The following GRIK2 variants were observed in gnomAD, a reference collection of about 807,000 sequenced individuals.
GRIK2 encodes the protein glutamate ionotropic receptor kainate type subunit 2.
Under a neutral mutation model 100.3 loss-of-function variants are expected in GRIK2, and 32 were observed. The observed-to-expected ratio is 0.32, with a 90% CI of 0.24 to 0.43. The LOEUF (loss-of-function observed/expected upper bound fraction) is 0.43, where lower values mean the gene tolerates loss of function less well. Among genes scored for constraint, GRIK2 ranks in the 20% least tolerant of loss-of-function variants. The pLI, the probability that GRIK2 is intolerant of heterozygous loss-of-function variation, is 1.00. For synonymous variants in GRIK2, 417 were observed against 389.4 expected, an observed-to-expected ratio of 1.07 and a Z score of -0.83; for missense variants, 843 against 1,114.9, an observed-to-expected ratio of 0.76 and a Z score of 3.47.
intron 2 of GRIK2, among the ~76,000 whole-genome samples, chr6:101,575,181 C>T (rs1777737708): frequency 6.6e-6 from 1 of 151,686 alleles, no homozygotes; most frequent in African/African-American, 2.4e-5. Context: ...CCCCAACTCT[C>T]AAAAAATTAA....
chr6:101,747,024 A>G lies in GRIK2; in HGVS notation c.952-52624A>G, dbSNP rs374509943. On this transcript the variant is annotated intron_variant, in intron 7 of 16. Coordinates refer to ENST00000369134, the MANE Select transcript of GRIK2 (RefSeq NM_021956.5). ...TTATTTTCCCATAAATTTTATGTTT[A>G]AATCTTCTGAATTAGATCAGCAGTT... 1.2e-4 allele frequency among the ~76,000 whole-genome samples: 18 copies of G among 152,310 alleles called. No homozygotes were observed. In the South Asian group the frequency reaches 3.7e-3, roughly 32 times the overall value.
At chr6:101,692,154 CTTTGCTGCTA>C (rs1432764504) in intron 7 of GRIK2, among the ~76,000 whole-genome samples, 1 of 151,638 alleles carries the variant, frequency 6.6e-6, no homozygotes, top group Non-Finnish European at 1.5e-5. Context: ...GCAAGCCCAC[CTTTGCTGCTA>C]TTTGCTTGTC....
At chr6:101,990,220 A>C (rs923182132) in intron 14 of GRIK2, among the ~76,000 whole-genome samples, 3 of 151,670 alleles carry the variant, frequency 2.0e-5, no homozygotes, top group African/African-American at 7.2e-5. Flanking sequence ...TGTGTTAGCC[A>C]CTTTACAGGC....
intron 10 of GRIK2, among the ~76,000 whole-genome samples, chr6:101,841,000 T>C (rs1289812348): frequency 6.6e-6 from 1 of 151,752 alleles, no homozygotes; most frequent in African/African-American, 2.4e-5. Flanking sequence ...AAAATATTTA[T>C]TTTCATGTAT....
rs1395051783 is a variant in GRIK2, at chr6:102,069,980, C to T, written c.*1469C>T. 3 of 151,912 alleles carry T rather than the reference C, an allele frequency of 2.0e-5. No homozygotes were observed. The highest frequency in any genetic ancestry group is 7.3e-5 in the African/African-American group (3 of 41,378). 9.4% of individuals were successfully genotyped at this position (151,912 alleles called of 1,614,324 possible). On this transcript the variant is annotated 3_prime_UTR_variant, in exon 17 of 17. Transcript: ENST00000369134. ...GTGTAAAATGGTAAAAGACACAGAC[C>T]TCTTGACAACATTGTGATAACAGTT... is the stretch of plus-strand genomic sequence containing the variant.
intron 7 of GRIK2, among the ~76,000 whole-genome samples, chr6:101,798,059 T>TA (rs1362230585): frequency 6.7e-6 from 1 of 149,536 alleles, no homozygotes; most frequent in Non-Finnish European, 1.5e-5. Context: ...TTTTTTTTTC[T>TA]AAAAACAAAA....
intron 14 of GRIK2, among the ~76,000 whole-genome samples, chr6:102,019,221 T>A (rs1430186669): frequency 1.3e-5 from 2 of 152,060 alleles, no homozygotes; most frequent in Non-Finnish European, 2.9e-5. Context: ...AACATCTGGT[T>A]TGATACCTTC....
intron 14 of GRIK2, among the ~76,000 whole-genome samples, chr6:102,005,463 G>C (rs1378335826): frequency 1.3e-5 from 2 of 151,978 alleles, no homozygotes; most frequent in East Asian, 1.9e-4. Flanking sequence ...GCCTAAGTGT[G>C]ATTCTTGGCC....
At chr6:101,480,827 A>C (rs963672802) in intron 2 of GRIK2, among the ~76,000 whole-genome samples, 11 of 152,214 alleles carry the variant, frequency 7.2e-5, no homozygotes, top group African/African-American at 2.4e-4. Flanking sequence ...CCATTAAAAA[A>C]GGCAGATCTG....
Position 101,722,765 on chromosome 6 carries a change from C to T in GRIK2, c.951+36412C>T, listed in dbSNP as rs113947316. Among the ~76,000 whole-genome samples, 345 of 152,080 alleles carry T rather than the reference C, an allele frequency of 2.3e-3. 2 individuals carry two copies. Among genetic ancestry groups the T allele is most frequent in the African/African-American group, 7.5e-3 (313 of 41,520 alleles). On this transcript the variant is annotated intron_variant, in intron 7 of 16. Coordinates refer to ENST00000369134, the MANE Select transcript of GRIK2 (RefSeq NM_021956.5). The stretch of plus-strand genomic sequence containing the variant: ...TGGGGAGGAGATAAATGTCTAATTC[C>T]TAGTCTAAGGAAATATGTAAGATGG...
At chr6:101,453,057 G>A (rs1416378266) in intron 2 of GRIK2, among the ~76,000 whole-genome samples, 1 of 151,754 alleles carries the variant, frequency 6.6e-6, no homozygotes, top group Non-Finnish European at 1.5e-5. Context: ...TGAAAATGAT[G>A]TATTGACTCT....
At chr6:101,859,598 G>T (rs1343880881) in intron 11 of GRIK2, 105 bp downstream of exon 11, 5 of 675,520 alleles carry the variant, frequency 7.4e-6, no homozygotes, top group Non-Finnish European at 1.3e-5. Flanking sequence ...TATATTTCAA[G>T]CATGTATTTC....
At chr6:101,582,820 T>G (rs1162998085) in intron 2 of GRIK2, among the ~76,000 whole-genome samples, 1 of 152,154 alleles carries the variant, frequency 6.6e-6, no homozygotes, top group Non-Finnish European at 1.5e-5. Flanking sequence ...GAAGCTTCTG[T>G]GTACCTATTC....
chr6:101,569,696 TATTA>T (rs1777442194), intron 2 of GRIK2, among the ~76,000 whole-genome samples: 2 of 152,052 alleles, frequency 1.3e-5, no homozygotes, highest in East Asian at 1.9e-4. Flanking sequence ...AATAACCAAA[TATTA>T]ATTTAAACAA....
intron 2 of GRIK2, among the ~76,000 whole-genome samples, chr6:101,539,020 AAAAAG>A (rs2128287649): frequency 6.6e-6 from 1 of 151,760 alleles, no homozygotes; most frequent in African/African-American, 2.4e-5. Context: ...ATGTTGAAAA[AAAAAG>A]AGAATTTCAG....
At chr6:102,027,553 A>G (rs1161835895) in intron 14 of GRIK2, among the ~76,000 whole-genome samples, 1 of 139,156 alleles carries the variant, frequency 7.2e-6, no homozygotes, top group Non-Finnish European at 1.6e-5. Context: ...TTTTCTTTGC[A>G]TGGTGGATGT....
chr6:101,924,157 G>A (rs188604053), intron 12 of GRIK2, among the ~76,000 whole-genome samples: 1 of 151,682 alleles, frequency 6.6e-6, no homozygotes, highest in Non-Finnish European at 1.5e-5. Flanking sequence ...TACTTTGGTG[G>A]TTTCTATTAT....
chr6:101,640,375 A>C (rs557898300), intron 4 of GRIK2, among the ~76,000 whole-genome samples: 3 of 152,298 alleles, frequency 2.0e-5, no homozygotes, highest in Admixed American at 6.5e-5. Context: ...GAAATGTGAT[A>C]AGTGGCATTG....
chr6:101,401,203 C>T (rs1253362603), intron 2 of GRIK2, among the ~76,000 whole-genome samples: 1 of 152,082 alleles, frequency 6.6e-6, no homozygotes, highest in African/African-American at 2.4e-5. Context: ...GACTTGGAGC[C>T]GGAAAACTGC....
Sources: allele counts gnomAD v4.1 joint callset (sites outside exome capture counted in the v4.1 genomes callset), GRCh38; gene constraint gnomAD v4.1.1; transcripts MANE v1.5; gene names NCBI Gene and HGNC (gene_info 2026-07-23, HGNC 2026-07-21).